Variants in ADAMTS2 observed in about 807,000 individuals in gnomAD.
ADAMTS2 encodes A disintegrin and metalloproteinase with thrombospondin motifs 2.
A neutral mutation model predicts 123.0 loss-of-function variants in ADAMTS2; 50 were observed. The observed-to-expected ratio is 0.41, with a 90% CI of 0.32 to 0.51. The LOEUF (loss-of-function observed/expected upper bound fraction) is 0.51, where lower values mean the gene tolerates loss of function less well. ADAMTS2 is among the 20% of genes least tolerant of loss of function. The probability of loss-of-function intolerance (pLI) is 0.35; values close to 1 mark genes in which losing one functional copy is unlikely to be tolerated. For synonymous variants in ADAMTS2, 678 were observed against 695.4 expected, an observed-to-expected ratio of 0.98 and a Z score of 0.39; for missense variants, 1,494 against 1,705.2, an observed-to-expected ratio of 0.88 and a Z score of 2.18.
rs888644251 is a variant in ADAMTS2, at chr5:179,158,124, CCTG to C, written c.1132+596_1132+598del. 4.6e-5 allele frequency among the ~76,000 whole-genome samples: 7 copies of C among 152,046 alleles called. No individual in the cohort carries two copies. Among genetic ancestry groups the C allele is most frequent in the African/African-American group, 1.7e-4 (7 of 41,396 alleles). ...GGACTACAGGCGCCCGCCACCATGC[CCTG>C]CTAATTTTTTTGTATTTTTATTAGA... On this transcript the variant is annotated intron_variant, in intron 6 of 21. Coordinates refer to ENST00000251582, the MANE Select transcript of ADAMTS2 (RefSeq NM_014244.5). The surrounding 1 kb of genome is among the most constrained non-coding windows in gnomAD (Gnocchi z 5.0).
intron 2 of ADAMTS2, among the ~76,000 whole-genome samples, chr5:179,276,044 A>T (rs922565083): frequency 3.9e-5 from 6 of 152,152 alleles, no homozygotes; most frequent in Admixed American, 6.5e-5. Flanking sequence ...GGGCTGTGGG[A>T]GGAGAGCGGA....
chr5:179,166,447 T>C (rs1191922830), intron 5 of ADAMTS2, among the ~76,000 whole-genome samples: 1 of 152,142 alleles, frequency 6.6e-6, no homozygotes, highest in Non-Finnish European at 1.5e-5. Flanking sequence ...CTTTGCTGAA[T>C]GCTCCCCAGG....
Position 179,122,776 on chromosome 5 carries a change from G to A in ADAMTS2, c.2959-3C>T. Reference sequence around the variant, plus strand: ...CCGTTGCCACAGGTTACTGAGCACTGCAGGGGGAGAGTCGCCAGGCAGGGT... The same window carrying A: ...CCGTTGCCACAGGTTACTGAGCACTACAGGGGGAGAGTCGCCAGGCAGGGT... On this transcript the variant is annotated splice_region_variant and splice_polypyrimidine_tract_variant and intron_variant, in intron 19 of 21. Coordinates refer to ENST00000251582, the MANE Select transcript of ADAMTS2 (RefSeq NM_014244.5). 6.4e-7 allele frequency: 1 copy of A among 1,555,226 alleles called. No homozygotes were observed. Among genetic ancestry groups the A allele is most frequent in the Non-Finnish European group, 8.7e-7 (1 of 1,149,786 alleles).
intron 3 of ADAMTS2, among the ~76,000 whole-genome samples, chr5:179,232,233 C>T (rs1765425695): frequency 6.6e-6 from 1 of 152,178 alleles, no homozygotes; most frequent in Non-Finnish European, 1.5e-5. Flanking sequence ...TTACATTGCA[C>T]CAATGTTTTA....
At chr5:179,201,406 A>G (rs757825881) in intron 4 of ADAMTS2, among the ~76,000 whole-genome samples, 16 of 152,334 alleles carry the variant, frequency 1.1e-4, no homozygotes, top group Non-Finnish European at 2.2e-4. Flanking sequence ...GTGCGATGTT[A>G]TGCAATCATT....
chr5:179,331,719 G>A (rs1757490077), intron 2 of ADAMTS2, among the ~76,000 whole-genome samples: 1 of 152,124 alleles, frequency 6.6e-6, no homozygotes, highest in South Asian at 2.1e-4. Flanking sequence ...CCTTCTCCCT[G>A]TCGGCAGGGC....
rs1163734636 is a variant in ADAMTS2, at chr5:179,197,501, C to T, written c.891+10012G>A. 6.6e-6 allele frequency among the ~76,000 whole-genome samples: 1 copy of T among 152,158 alleles called. No homozygotes were observed. Among genetic ancestry groups the T allele is most frequent in the Non-Finnish European group, 1.5e-5 (1 of 68,030 alleles). On this transcript the variant is annotated intron_variant, in intron 4 of 21. Coordinates refer to ENST00000251582, the MANE Select transcript of ADAMTS2 (RefSeq NM_014244.5). The surrounding 1 kb of genome is among the most constrained non-coding windows in gnomAD (Gnocchi z 4.2). ...ATCCCAGCTACTCAGGAAGCTGAGA[C>T]AGCAGGATCACTTAAGCCCAGGTGA... is the stretch of plus-strand genomic sequence containing the variant.
chr5:179,211,482 G>A (rs1055933994), intron 3 of ADAMTS2, among the ~76,000 whole-genome samples: 17 of 152,182 alleles, frequency 1.1e-4, no homozygotes, highest in African/African-American at 2.2e-4. Flanking sequence ...CAGAGCTTTC[G>A]AGTTCCTGGC....
chr5:179,287,927 C>A (rs565253833), intron 2 of ADAMTS2, among the ~76,000 whole-genome samples: 15 of 152,376 alleles, frequency 9.8e-5, no homozygotes, highest in African/African-American at 3.1e-4. Flanking sequence ...CCAGTCCCCC[C>A]ACTCCACTGT....
Position 179,308,995 on chromosome 5 carries a change from G to T in ADAMTS2, c.534+34772C>A, listed in dbSNP as rs1328943104. Among the ~76,000 whole-genome samples the T allele has an allele frequency of 6.6e-6, 1 of 152,232 alleles. No homozygotes were observed. The highest frequency in any genetic ancestry group is 6.5e-5 in the Admixed American group (1 of 15,290). On this transcript the variant is annotated intron_variant, in intron 2 of 21. Coordinates refer to ENST00000251582, the MANE Select transcript of ADAMTS2 (RefSeq NM_014244.5). This position sits in a 1 kb window ranked among gnomAD's most constrained non-coding sequence, Gnocchi z 6.6. ...GAAAGATACGAAGAGGGCTGAGGCG[G>T]GCGTTCCTGCCCTTGGGTCTCTTCC...
intron 17 of ADAMTS2, among the ~76,000 whole-genome samples, chr5:179,127,242 G>A (rs1017551238): frequency 5.3e-5 from 8 of 152,184 alleles, no homozygotes; most frequent in African/African-American, 1.7e-4. Context: ...GGGTGGATGC[G>A]CTGATGAAAT....
chr5:179,145,407 A>C (rs939042117), intron 10 of ADAMTS2, among the ~76,000 whole-genome samples: 1 of 152,200 alleles, frequency 6.6e-6, no homozygotes, highest in Non-Finnish European at 1.5e-5. Context: ...TGCACGCAAT[A>C]CTTTGTACAC....
At chr5:179,119,215 T>G (rs1762711644) in intron 21 of ADAMTS2, among the ~76,000 whole-genome samples, 1 of 152,150 alleles carries the variant, frequency 6.6e-6, no homozygotes, top group Admixed American at 6.5e-5. Flanking sequence ...GCTTCTTGTC[T>G]CCTTTAAGCT....
chr5:179,149,480 C>T (rs746124422), intron 10 of ADAMTS2, among the ~76,000 whole-genome samples: 5 of 152,180 alleles, frequency 3.3e-5, no homozygotes, highest in Admixed American at 6.5e-5. Context: ...TGGAAGGCTG[C>T]GGCCGGGGCA....
At chr5:179,166,122 T>G (rs114101931) in intron 5 of ADAMTS2, among the ~76,000 whole-genome samples, 4,193 of 152,238 alleles carry the variant, frequency 0.028, 175 homozygotes, top group African/African-American at 0.095. Context: ...AGGGTCCTCC[T>G]TGGCCATCAT....
chr5:179,120,334 C>A (rs775732052), intron 21 of ADAMTS2: 1 of 152,184 alleles, frequency 6.6e-6, no homozygotes, highest in Non-Finnish European at 1.5e-5. Context: ...CTATAGAATA[C>A]GTCATTAAAT....
At chr5:179,198,721 G>T (rs527399986) in intron 4 of ADAMTS2, among the ~76,000 whole-genome samples, 18 of 151,986 alleles carry the variant, frequency 1.2e-4, no homozygotes, top group Non-Finnish European at 2.4e-4. Flanking sequence ...GTAGTCCCAG[G>T]TACTTGGGAG....
intron 4 of ADAMTS2, among the ~76,000 whole-genome samples, chr5:179,191,587 C>T (rs1041785634): frequency 3.4e-5 from 5 of 146,450 alleles, no homozygotes; most frequent in Non-Finnish European, 7.4e-5. Flanking sequence ...AGAGCTGTGG[C>T]ATCAGGGGAC....
In ADAMTS2 at chr5:179,197,970, C is replaced by T. The variant is rs142255982; in HGVS notation, c.891+9543G>A. On this transcript the variant is annotated intron_variant, in intron 4 of 21. Transcript: ENST00000251582. This position sits in a 1 kb window ranked among gnomAD's most constrained non-coding sequence, Gnocchi z 4.2. ...GTTTGTGAGCAGAGACTAGCCCAGG[C>T]GCTGGCAGAGCAAGTTTTTGAAAAT... is the stretch of plus-strand genomic sequence containing the variant. Among the ~76,000 whole-genome samples the T allele has an allele frequency of 1.3e-3, 203 of 152,316 alleles. No individual in the cohort carries two copies. In the South Asian group the frequency reaches 0.017, roughly 13 times the overall value.
Sources: allele counts gnomAD v4.1 joint callset (sites outside exome capture counted in the v4.1 genomes callset), GRCh38; gene constraint gnomAD v4.1.1; non-coding constraint Gnocchi (gnomAD v3.1); transcripts MANE v1.5; gene names NCBI Gene and HGNC (gene_info 2026-07-23, HGNC 2026-07-21).